ASIC2: variants seen among roughly 807,000 people sequenced by gnomAD.
ASIC2 encodes the protein acid sensing ion channel subunit 2.
Under a neutral mutation model 57.3 loss-of-function variants are expected in ASIC2, and 25 were observed. The observed-to-expected ratio is 0.44, with a 90% confidence interval of 0.32 to 0.61. ASIC2 has a LOEUF of 0.61. Among genes scored for constraint, ASIC2 ranks in the 20% least tolerant of loss-of-function variants. The pLI, the probability that ASIC2 is intolerant of heterozygous loss-of-function variation, is 0.06. For synonymous variants in ASIC2, 319 were observed against 307.5 expected, an observed-to-expected ratio of 1.04 and a Z score of -0.39; for missense variants, 641 against 738.1, an observed-to-expected ratio of 0.87 and a Z score of 1.52.
chr17:33,356,823 G>A (rs988251867), intron 1 of ASIC2, among the ~76,000 whole-genome samples: 3 of 152,108 alleles, frequency 2.0e-5, no homozygotes, highest in East Asian at 1.9e-4. Flanking sequence ...TGCAGCTTAG[G>A]GATCCAAGGG....
At chr17:33,405,591 C>T (rs1275965267) in intron 1 of ASIC2, among the ~76,000 whole-genome samples, 1 of 150,444 alleles carries the variant, frequency 6.6e-6, no homozygotes, top group Non-Finnish European at 1.5e-5. Flanking sequence ...TCAAGCAATT[C>T]TCCCGCCTCA....
chr17:33,227,486 T>C (rs1907933576), intron 1 of ASIC2, among the ~76,000 whole-genome samples: 1 of 152,060 alleles, frequency 6.6e-6, no homozygotes, highest in Non-Finnish European at 1.5e-5. Context: ...CCCAGTTCCC[T>C]TGGACATTTA....
chr17:33,995,891 A>C (rs1906144359), intron 1 of ASIC2, among the ~76,000 whole-genome samples: 1 of 152,220 alleles, frequency 6.6e-6, no homozygotes, highest in African/African-American at 2.4e-5. Flanking sequence ...GGATTGCTGG[A>C]TCAAAAGAGT....
chr17:33,827,351 A>G (rs1912957987), intron 1 of ASIC2, among the ~76,000 whole-genome samples: 1 of 8,318 alleles, frequency 1.2e-4, no homozygotes, highest in Non-Finnish European at 3.9e-4. Context: ...TTTTTTTTTG[A>G]GACAGAGTCT....
intron 1 of ASIC2, among the ~76,000 whole-genome samples, chr17:33,555,952 G>A (rs544304497): frequency 9.8e-5 from 15 of 152,318 alleles, no homozygotes; most frequent in African/African-American, 3.6e-4. Flanking sequence ...TTAGAATCCA[G>A]GTATATAACG....
intron 3 of ASIC2, among the ~76,000 whole-genome samples, chr17:33,078,315 C>T (rs187115885): frequency 2.0e-5 from 3 of 152,314 alleles, no homozygotes; most frequent in East Asian, 1.9e-4. Context: ...CACCATGGAC[C>T]CAGGCTGGGG....
At chr17:33,167,699 C>T (rs1905354598) in intron 1 of ASIC2, among the ~76,000 whole-genome samples, 2 of 152,232 alleles carry the variant, frequency 1.3e-5, no homozygotes, top group South Asian at 4.1e-4. Context: ...CAGGCTGACT[C>T]TATGAGCCAT....
At chr17:33,895,631 C>A (rs140069230) in intron 1 of ASIC2, among the ~76,000 whole-genome samples, 5 of 152,256 alleles carry the variant, frequency 3.3e-5, no homozygotes, top group Non-Finnish European at 7.4e-5. Context: ...TACTTGGAGC[C>A]AACAGACAAA....
At chr17:33,740,086 G>A (rs944065034) in intron 1 of ASIC2, among the ~76,000 whole-genome samples, 26 of 152,180 alleles carry the variant, frequency 1.7e-4, no homozygotes, top group African/African-American at 5.8e-4. Flanking sequence ...AGGCAGAAAG[G>A]AGAGCCAGGG....
intron 1 of ASIC2, among the ~76,000 whole-genome samples, chr17:33,655,221 G>A (rs973285501): frequency 6.6e-6 from 1 of 152,208 alleles, no homozygotes; most frequent in Admixed American, 6.5e-5. Flanking sequence ...AAGCCTACCT[G>A]TAAAACTGGA....
intron 1 of ASIC2, among the ~76,000 whole-genome samples, chr17:33,621,974 C>A (rs188842568): frequency 5.2e-4 from 79 of 152,178 alleles, no homozygotes; most frequent in African/African-American, 1.9e-3. Flanking sequence ...GCACCTAGAA[C>A]AGAACCTGAA....
rs758213506 is a variant in ASIC2 at position 33,291,384 on chromosome 17, G to T, written c.708+24C>A. 3.2e-6 allele frequency: 5 copies of T among 1,577,486 alleles called. No individual in the cohort carries two copies. The African/African-American group carries it at 6.7e-5, about 21-fold the overall frequency. Reference sequence around the variant, plus strand: ...CCGGGGAGTGGGGCGCAGAGGGAGCGGGTTCGCGCGGAGGGCAACTCACGG... The same window carrying T: ...CCGGGGAGTGGGGCGCAGAGGGAGCTGGTTCGCGCGGAGGGCAACTCACGG... On this transcript the variant is annotated intron_variant, in intron 1 of 9. Transcript: ENST00000225823.
intron 1 of ASIC2, among the ~76,000 whole-genome samples, chr17:33,395,563 A>G (rs983724510): frequency 3.3e-5 from 5 of 152,176 alleles, no homozygotes; most frequent in African/African-American, 1.2e-4. Context: ...ATTTGGGTGG[A>G]GACAGGGCCA....
At chr17:33,144,492 C>T (rs1461824532) in intron 1 of ASIC2, among the ~76,000 whole-genome samples, 1 of 152,154 alleles carries the variant, frequency 6.6e-6, no homozygotes, top group African/African-American at 2.4e-5. Context: ...CTGTGAGATA[C>T]CCTAGCATTC....
chr17:33,310,032 T>C (rs1906343523), intron 1 of ASIC2, among the ~76,000 whole-genome samples: 1 of 151,004 alleles, frequency 6.6e-6, no homozygotes, highest in African/African-American at 2.4e-5. Flanking sequence ...ACTACCATGG[T>C]ATCCTATATT....
intron 1 of ASIC2, among the ~76,000 whole-genome samples, chr17:33,195,220 C>T (rs1255238521): frequency 6.6e-6 from 1 of 152,184 alleles, no homozygotes; most frequent in Non-Finnish European, 1.5e-5. Context: ...CAGCACAAAG[C>T]AGCCTCTGCA....
intron 1 of ASIC2, chr17:34,001,957 A>G (rs1201152790): frequency 1.3e-5 from 2 of 152,124 alleles, no homozygotes; most frequent in Admixed American, 1.3e-4. Flanking sequence ...GTGTCTTTTT[A>G]TGGGTTTTAC....
chr17:34,145,922 G>C (rs1050849319), intron 1 of ASIC2, among the ~76,000 whole-genome samples: 1 of 152,214 alleles, frequency 6.6e-6, no homozygotes, highest in Non-Finnish European at 1.5e-5. Flanking sequence ...CATTCAGGAA[G>C]AAATGGAAGT....
At chr17:34,148,325 T>C (rs1230565005) in intron 1 of ASIC2, among the ~76,000 whole-genome samples, 1 of 152,138 alleles carries the variant, frequency 6.6e-6, no homozygotes, top group Non-Finnish European at 1.5e-5. Context: ...TCAGAAAGAA[T>C]TTTATATACC....
Sources: allele counts gnomAD v4.1 joint callset (sites outside exome capture counted in the v4.1 genomes callset), GRCh38; gene constraint gnomAD v4.1.1; transcripts MANE v1.5; gene names NCBI Gene and HGNC (gene_info 2026-07-23, HGNC 2026-07-21).